KHDRBS2: variants seen among roughly 807,000 people sequenced by gnomAD.
The protein encoded by KHDRBS2 is KH RNA binding domain containing, signal transduction associated 2, also known as KH domain-containing, RNA-binding, signal transduction-associated protein 2.
Under a neutral mutation model 44.3 loss-of-function variants are expected in KHDRBS2, and 26 were observed. The observed-to-expected ratio is 0.59, with a 90% CI of 0.43 to 0.81. KHDRBS2 has a LOEUF of 0.81. Ranked by LOEUF, KHDRBS2 falls within the 40% of genes least tolerant of loss-of-function variation. The pLI is 0.00. For missense variants in KHDRBS2, 476 were observed against 433.1 expected (o/e 1.10, Z -0.88); for synonymous variants, 194 against 151.1 (o/e 1.28, Z -2.08).
intron 6 of KHDRBS2, among the ~76,000 whole-genome samples, chr6:61,777,984 C>G (rs896115278): frequency 3.9e-5 from 6 of 151,992 alleles, no homozygotes; most frequent in African/African-American, 1.4e-4. Context: ...GTAATTTTTT[C>G]TGCCCCTCTC....
intron 6 of KHDRBS2, chr6:61,813,844 ACCTT>A: frequency 2.3e-6 from 1 of 428,926 alleles, no homozygotes; most frequent in East Asian, 7.1e-5. Context: ...CTCCTTGGTG[ACCTT>A]CCAGTGCATA....
In KHDRBS2 at chr6:61,898,854, G is replaced by A. The variant is rs528113301; in HGVS notation, c.611+2390C>T. 2.7e-4 allele frequency among the ~76,000 whole-genome samples: 41 copies of A among 151,896 alleles called. No homozygotes were observed. The South Asian group carries it at 2.7e-3, about 10-fold the overall frequency. On this transcript the variant is annotated intron_variant, in intron 5 of 8. Transcript: ENST00000281156. ...AGGTATTTAGGAGCAATAGGGAGGT[G>A]AAAAAATTGAGATGAAATGGAATTA...
At chr6:61,648,505 A>G in the KHDRBS2 span, among the ~76,000 whole-genome samples, 1 of 152,136 alleles carries the variant, frequency 6.6e-6, no homozygotes, top group Admixed American at 6.6e-5. Context: ...TTCAGAAAAT[A>G]TTTATTTTGC....
chr6:62,260,878 G>A lies in KHDRBS2; in HGVS notation c.91+24980C>T, dbSNP rs1182036091. Among the ~76,000 whole-genome samples, 3 of 151,992 alleles carry A rather than the reference G, an allele frequency of 2.0e-5. No individual in the cohort carries two copies. In the South Asian group the frequency reaches 6.2e-4, roughly 31 times the overall value. On this transcript the variant is annotated intron_variant, in intron 1 of 8. Transcript: ENST00000281156. ...AACCGGGCAAAATTAAGACATACTT[G>A]TTAATAACAAAATCATAATTTAATA...
chr6:61,948,767 C>G (rs984006967), intron 4 of KHDRBS2, among the ~76,000 whole-genome samples: 2 of 151,418 alleles, frequency 1.3e-5, no homozygotes, highest in African/African-American at 2.4e-5. Context: ...CCACCTCAGC[C>G]TCCCATGTAG....
chr6:61,955,546 A>ATACG (rs1491394398), intron 4 of KHDRBS2, among the ~76,000 whole-genome samples: 8,996 of 23,378 alleles, frequency 0.38, 2,724 homozygotes, highest in East Asian at 0.79. Flanking sequence ...ATATATACAC[A>ATACG]TATGTATGTA....
the KHDRBS2 span, among the ~76,000 whole-genome samples, chr6:61,643,404 G>A: frequency 6.6e-6 from 1 of 152,082 alleles, no homozygotes; most frequent in African/African-American, 2.4e-5. Flanking sequence ...ACAGGCATAA[G>A]ACAAGGATGC....
Position 61,945,127 on chromosome 6 carries a change from A to G in KHDRBS2, c.483+32939T>C, listed in dbSNP as rs10944888. Reference sequence around the variant, plus strand: ...AAAAAAAAAAAGTATATATATATATATATATATATATATATATATATATAC... The same window carrying G: ...AAAAAAAAAAAGTATATATATATATGTATATATATATATATATATATATAC... On this transcript the variant is annotated intron_variant, in intron 4 of 8. Transcript: ENST00000281156. Among the ~76,000 whole-genome samples, 47 of 89,074 alleles carry G rather than the reference A, an allele frequency of 5.3e-4. 6 individuals are homozygous for G. Among genetic ancestry groups the G allele is most frequent in the South Asian group, 1.9e-3 (5 of 2,572 alleles). 58.4% of individuals were successfully genotyped at this position (89,074 alleles called of 152,430 possible).
At position 62,043,884 on chromosome 6, in the gene KHDRBS2, A is replaced by G. The variant is rs530770809; in HGVS notation, c.336+3994T>C. On this transcript the variant is annotated intron_variant, in intron 3 of 8. Transcript: ENST00000281156. ...ATTAGATCCACAAAAACAAAACGAAATGAGTTTGTCATTCTATCTACCTAC... is the reference window on the plus strand; with the variant it reads ...ATTAGATCCACAAAAACAAAACGAAGTGAGTTTGTCATTCTATCTACCTAC... Among the ~76,000 whole-genome samples the G allele has an allele frequency of 9.2e-5, 14 of 152,138 alleles. No individual in the cohort carries two copies. In the South Asian group the frequency reaches 2.7e-3, roughly 29 times the overall value.
chr6:61,808,286 C>T (rs1204339940), intron 6 of KHDRBS2, among the ~76,000 whole-genome samples: 1 of 151,854 alleles, frequency 6.6e-6, no homozygotes, highest in Non-Finnish European at 1.5e-5. Context: ...CTATGTATGT[C>T]CACTAGAGAT....
chr6:61,899,554 T>C (rs1170063934), intron 5 of KHDRBS2, among the ~76,000 whole-genome samples: 1 of 151,950 alleles, frequency 6.6e-6, no homozygotes, highest in Non-Finnish European at 1.5e-5. Context: ...CACTATCCTG[T>C]TTTCAATTAT....
At chr6:62,147,472 G>A (rs1814197825) in intron 2 of KHDRBS2, among the ~76,000 whole-genome samples, 1 of 151,692 alleles carries the variant, frequency 6.6e-6, no homozygotes, top group Admixed American at 6.6e-5. Flanking sequence ...GTTTCCCTTT[G>A]TTCAGTTTCC....
At chr6:61,602,261 G>T in the KHDRBS2 span, among the ~76,000 whole-genome samples, 4 of 152,104 alleles carry the variant, frequency 2.6e-5, no homozygotes, top group Admixed American at 6.5e-5. Context: ...GCAGTTCCTT[G>T]CCTCCACTGT....
chr6:61,756,101 G>A (rs1052393033), intron 6 of KHDRBS2, among the ~76,000 whole-genome samples: 26 of 152,182 alleles, frequency 1.7e-4, no homozygotes, highest in Admixed American at 8.5e-4. Context: ...TTCTGGCAGG[G>A]AAAGTTTATG....
At chr6:61,614,430 G>A in the KHDRBS2 span, among the ~76,000 whole-genome samples, 2 of 152,164 alleles carry the variant, frequency 1.3e-5, no homozygotes, top group African/African-American at 4.8e-5. Flanking sequence ...AGATTTCCTA[G>A]TGTGACAACC....
chr6:61,582,428 A>C, the KHDRBS2 span, among the ~76,000 whole-genome samples: 1 of 151,766 alleles, frequency 6.6e-6, no homozygotes, highest in Non-Finnish European at 1.5e-5. Context: ...TTTAATCAGA[A>C]TAAAGTATAA....
chr6:62,189,031 C>T (rs779363726), intron 1 of KHDRBS2, among the ~76,000 whole-genome samples: 1 of 152,040 alleles, frequency 6.6e-6, no homozygotes, highest in African/African-American at 2.4e-5. Flanking sequence ...AGGAGAATTG[C>T]TTGAACACGG....
chr6:61,593,033 A>C, the KHDRBS2 span, among the ~76,000 whole-genome samples: 1 of 152,192 alleles, frequency 6.6e-6, no homozygotes, highest in Non-Finnish European at 1.5e-5. Context: ...AAGAAGAAGA[A>C]AAAAAGGTTA....
chr6:62,201,219 A>C (rs1246833400), intron 1 of KHDRBS2, among the ~76,000 whole-genome samples: 1 of 151,786 alleles, frequency 6.6e-6, no homozygotes, highest in East Asian at 1.9e-4. Context: ...ATGTACCCTA[A>C]AACTTCAAGT....
Sources: allele counts gnomAD v4.1 joint callset (sites outside exome capture counted in the v4.1 genomes callset), GRCh38; gene constraint gnomAD v4.1.1; transcripts MANE v1.5; gene names NCBI Gene and HGNC (gene_info 2026-07-23, HGNC 2026-07-21).